Variants in SPTBN4 observed in about 807,000 individuals in gnomAD.
SPTBN4 encodes spectrin beta chain, non-erythrocytic 4.
SPTBN4 carries 96 observed loss-of-function variants against 277.8 expected under a neutral mutation model. The observed-to-expected ratio is 0.35, with a 90% CI of 0.29 to 0.41. The LOEUF (loss-of-function observed/expected upper bound fraction) is 0.41, where lower values mean the gene tolerates loss of function less well. SPTBN4 is among the 10% of genes least tolerant of loss of function. SPTBN4 has a pLI of 1.00. For synonymous variants in SPTBN4, 1,481 were observed against 1,580.3 expected (o/e 0.94, Z 1.49); for missense variants, 3,006 against 3,595.7 (o/e 0.84, Z 4.19).
chr19:40,558,969 T>G (rs1321577868), intron 26 of SPTBN4, among the ~76,000 whole-genome samples: 4 of 150,406 alleles, frequency 2.7e-5, no homozygotes, highest in Non-Finnish European at 4.4e-5. Flanking sequence ...TCTCTCTTTG[T>G]CACCCAGGCT....
chr19:40,494,788 CT>C (rs1200291140), intron 5 of SPTBN4, 108 bp from the exon 6 acceptor site: 6 of 920,466 alleles, frequency 6.5e-6, no homozygotes, highest in East Asian at 5.3e-5. Context: ...GTTCTACCCC[CT>C]CTCTCTCATC....
chr19:40,574,406 G>T (rs1240383816), intron 35 of SPTBN4, among the ~76,000 whole-genome samples: 2 of 151,192 alleles, frequency 1.3e-5, no homozygotes, highest in East Asian at 3.9e-4. Context: ...TTGTCACCCA[G>T]GCTGGAGTGC....
intron 2 of SPTBN4, among the ~76,000 whole-genome samples, chr19:40,479,702 A>ATATATATATTTT (rs1303572950): frequency 2.1e-5 from 3 of 144,448 alleles, no homozygotes; most frequent in African/African-American, 7.7e-5. Context: ...ATATATATAT[A>ATATATATATTTT]TTTAACTTTT....
chr19:40,501,835 T>C, intron 7 of SPTBN4, 86 bp from the exon 8 acceptor site: 2 of 1,082,856 alleles, frequency 1.8e-6, no homozygotes, highest in Admixed American at 1.8e-5. Context: ...CTAGTGAGAG[T>C]GGCTTCTCCA....
chr19:40,556,097 C>T lies in SPTBN4; in HGVS notation c.5098C>T (p.Arg1700Trp), dbSNP rs757793991. ...MGHPDSEQIS[R>W]RQSQVDRLYV... ...GTCCCCCTTCAGCGAGCAGATCAGCCGGCGGCAGTCTCAGGTGGACCGCCT... is the reference window on the plus strand; with the variant it reads ...GTCCCCCTTCAGCGAGCAGATCAGCTGGCGGCAGTCTCAGGTGGACCGCCT... The change falls in exon 25 of 36, where the codon CGG becomes TGG. Residue 1700 changes from arginine (R) to tryptophan (W), a missense_variant. Transcript: ENST00000598249. The T allele has an allele frequency of 5.6e-6, 9 of 1,611,066 alleles. No individual in the cohort carries two copies. Among genetic ancestry groups the T allele is most frequent in the East Asian group, 4.5e-5 (2 of 44,866 alleles).
At chr19:40,535,951 C>T (rs566354375) in intron 20 of SPTBN4, among the ~76,000 whole-genome samples, 31 of 151,852 alleles carry the variant, frequency 2.0e-4, no homozygotes, top group African/African-American at 7.3e-4. Flanking sequence ...CAGAGCGAGA[C>T]TCCATCTCAA....
At position 40,503,987 on chromosome 19, in the gene SPTBN4, C is replaced by A. The variant is rs2080293277; in HGVS notation, c.1520C>A (p.Ala507Glu). 1 of 1,613,940 alleles carries A rather than the reference C, an allele frequency of 6.2e-7. No individual in the cohort carries two copies. Among genetic ancestry groups the A allele is most frequent in the Non-Finnish European group, 8.5e-7 (1 of 1,180,000 alleles). The change falls in exon 12 of 36, where the codon GCA becomes GAA. Residue 507 changes from alanine to glutamate, a missense_variant. By Grantham distance (107) the Ala-to-Glu change is moderately radical. Coordinates refer to ENST00000598249, the MANE Select transcript of SPTBN4 (RefSeq NM_020971.3). ...GGCTACTACGATATCCGGCGGGTGG[C>A]AGCCCAGCGTGACAGCGTCCTGCGC... ...AEGYYDIRRVAAQRDSVLRQW... is the reference protein window; with the variant it reads ...AEGYYDIRRVEAQRDSVLRQW...
At chr19:40,544,378 G>A (rs1221791310) in intron 20 of SPTBN4, among the ~76,000 whole-genome samples, 2 of 147,124 alleles carry the variant, frequency 1.4e-5, no homozygotes, top group Admixed American at 6.8e-5. Context: ...TCTTGACCTC[G>A]TGATCCGCCC....
In SPTBN4 at chr19:40,554,779, A is replaced by G; in HGVS notation, c.5084+133A>G. 1 of 1,414,856 alleles carries G rather than the reference A, an allele frequency of 7.1e-7. No homozygotes were observed. Among genetic ancestry groups the G allele is most frequent in the Non-Finnish European group, 9.6e-7 (1 of 1,042,700 alleles). The allele number at this position is 1,414,856 out of a possible 1,614,324, so 87.6% of individuals were successfully genotyped here. A position where few individuals can be genotyped will look rare whatever the true frequency, so the allele number is the denominator to read the frequency against. Reference sequence around the variant, plus strand: ...CCTTGCTGTGTGCTGGAGCCCTCGAATTTGGCAAGTGGGCGGGCCGGAATG... The same window carrying G: ...CCTTGCTGTGTGCTGGAGCCCTCGAGTTTGGCAAGTGGGCGGGCCGGAATG... On this transcript the variant is annotated intron_variant, in intron 24 of 35. Transcript: ENST00000598249. This position sits in a 1 kb window ranked among gnomAD's most constrained non-coding sequence, Gnocchi z 5.7.
At chr19:40,558,837 A>C (rs2081011448) in intron 26 of SPTBN4, among the ~76,000 whole-genome samples, 1 of 151,450 alleles carries the variant, frequency 6.6e-6, no homozygotes, top group Admixed American at 6.6e-5. Flanking sequence ...CGAAATCCTG[A>C]CCTCAGGTGA....
chr19:40,513,060 G>A lies in SPTBN4; in HGVS notation c.2271G>A (p.Arg757=). Residue 757 remains arginine (R), a synonymous_variant, in exon 14 of 36, where the codon AGG becomes AGA. Transcript: ENST00000598249. ...CGAGCGCCCGGCGCCGCTGGCAGAG[G>A]CTGGAAGAGGCGGCGGCGCGGCGAG... ...RAASARRRWQ[R]LEEAAARRER... 1 of 1,420,546 alleles carries A rather than the reference G, an allele frequency of 7.0e-7. No homozygotes were observed. The highest frequency in any genetic ancestry group is 9.1e-7 in the Non-Finnish European group (1 of 1,094,848). 88.0% of individuals were successfully genotyped at this position (1,420,546 alleles called of 1,614,324 possible). A position where few individuals can be genotyped will look rare whatever the true frequency, so the allele number is the denominator to read the frequency against.
In SPTBN4 at chr19:40,565,271, AAAAAGAAAAG is replaced by A. The variant is rs368076001; in HGVS notation, c.5916-133_5916-124del. On this transcript the variant is annotated intron_variant, in intron 27 of 35. Transcript: ENST00000598249. Reference sequence around the variant, plus strand: ...TAGGGTGAGACTTTATCTCAAAAAAAAAAAGAAAAGAAAAGAAAAGAAAAGAAAGTAAGTG... The same window carrying A: ...TAGGGTGAGACTTTATCTCAAAAAAAAAAAGAAAAGAAAAGAAAGTAAGTG... The A allele has an allele frequency of 1.4e-3, 1,421 of 980,350 alleles. 12 individuals are homozygous for A. The African/African-American group carries it at 0.018, about 13-fold the overall frequency. The allele number at this position is 980,350 out of a possible 1,614,324, so 60.7% of individuals were successfully genotyped here. A position where few individuals can be genotyped will look rare whatever the true frequency, so the allele number is the denominator to read the frequency against.
In SPTBN4 at chr19:40,566,243, C is replaced by T. The variant is rs142848625; in HGVS notation, c.6220C>T (p.Arg2074Trp). Residue 2074 changes from arginine to tryptophan, a missense_variant, in exon 30 of 36, where the codon CGG (arginine) becomes TGG (tryptophan). Coordinates refer to ENST00000598249, the MANE Select transcript of SPTBN4 (RefSeq NM_020971.3). ...AGCCCAGGAGCCGCTCCTGCAGAGC[C>T]GGGAGCTGGGCAGCAGCGTGGATGA... Reference protein sequence around the residue: ...LTAQEPLLQSRELGSSVDEVE... With the variant: ...LTAQEPLLQSWELGSSVDEVE... 9 of 1,564,398 alleles carry T rather than the reference C, an allele frequency of 5.8e-6. No homozygotes were observed. Among genetic ancestry groups the T allele is most frequent in the East Asian group, 2.4e-5 (1 of 42,386 alleles).
rs1304584764 is a variant in SPTBN4, at chr19:40,497,585, G to A, written c.765G>A (p.Ala255=). 4.3e-6 allele frequency: 7 copies of A among 1,613,816 alleles called. No individual in the cohort carries two copies. In the African/African-American group the frequency reaches 5.3e-5, roughly 12 times the overall value. The change falls in exon 7 of 36, where the codon GCG becomes GCA. Residue 255 remains alanine, a synonymous_variant. Transcript: ENST00000598249. ...FRTAEQHLGL[A]RLLDPEDVNM... ...CAGCTGAGCAGCACCTGGGGCTGGC[G>A]CGGCTGCTGGATCCTGAAGGTGAGC...
chr19:40,574,836 G>A (rs183640045), intron 35 of SPTBN4, among the ~76,000 whole-genome samples: 141 of 152,030 alleles, frequency 9.3e-4, no homozygotes, highest in Admixed American at 9.8e-4. Flanking sequence ...CCAACGTGGC[G>A]AAACCCCATC....
At chr19:40,514,365 G>A (rs147358761) in intron 14 of SPTBN4, among the ~76,000 whole-genome samples, 24 of 152,344 alleles carry the variant, frequency 1.6e-4, no homozygotes, top group Non-Finnish European at 3.1e-4. Context: ...CTGCCATGTG[G>A]AGGGCAGGTT....
chr19:40,572,697 G>A (rs759526864), intron 35 of SPTBN4: 14 of 328,630 alleles, frequency 4.3e-5, no homozygotes, highest in Non-Finnish European at 5.8e-5. Context: ...GGTGGCTCAC[G>A]CTTGTAATCC....
chr19:40,520,028 C>T lies in SPTBN4; in HGVS notation c.3531C>T (p.Leu1177=). ...GLALDEWLPH[L]ELGWHKLLGL... is the part of the protein sequence containing the mutation. ...CACTAGACGAGTGGCTGCCACACCT[C>T]GAACTTGGCTGGCATAAACTGCTCG... The change falls in exon 16 of 36, where the codon CTC becomes CTT. Residue 1177 remains leucine, a synonymous_variant. Coordinates refer to ENST00000598249, the MANE Select transcript of SPTBN4 (RefSeq NM_020971.3). 6.4e-7 allele frequency: 1 copy of T among 1,564,542 alleles called. No individual in the cohort carries two copies. Among genetic ancestry groups the T allele is most frequent in the Non-Finnish European group, 8.6e-7 (1 of 1,158,652 alleles).
chr19:40,554,478 G>A lies in SPTBN4; in HGVS notation c.4954-38G>A, dbSNP rs1375366917. 1 of 1,485,808 alleles carries A rather than the reference G, an allele frequency of 6.7e-7. No homozygotes were observed. Among genetic ancestry groups the A allele is most frequent in the East Asian group, 2.5e-5 (1 of 40,242 alleles). The allele number at this position is 1,485,808 out of a possible 1,614,324, so 92.0% of individuals were successfully genotyped here. A position where few individuals can be genotyped will look rare whatever the true frequency, so the allele number is the denominator to read the frequency against. On this transcript the variant is annotated intron_variant, in intron 23 of 35. Transcript: ENST00000598249. The surrounding 1 kb of genome is among the most constrained non-coding windows in gnomAD (Gnocchi z 5.7). ...CCTGGGGGCGCTGGAGCCGGGGGCCGCCGCTGCCGCCTCATCGTGGGCGCT... is the reference window on the plus strand; with the variant it reads ...CCTGGGGGCGCTGGAGCCGGGGGCCACCGCTGCCGCCTCATCGTGGGCGCT...
Sources: allele counts gnomAD v4.1 joint callset (sites outside exome capture counted in the v4.1 genomes callset), GRCh38; gene constraint gnomAD v4.1.1; non-coding constraint Gnocchi (gnomAD v3.1); transcripts MANE v1.5; gene names NCBI Gene and HGNC (gene_info 2026-07-23, HGNC 2026-07-21).